The following EXD3 variants were observed in gnomAD, a reference collection of about 807,000 sequenced individuals.
The protein encoded by EXD3 is exonuclease mut-7 homolog.
EXD3 carries 92 observed loss-of-function variants against 98.0 expected under a neutral mutation model. The ratio of observed to expected loss-of-function variants is 0.94; its 90% CI spans 0.79 to 1.12. The LOEUF (loss-of-function observed/expected upper bound fraction) is 1.12, where lower values mean the gene tolerates loss of function less well. Ranked by LOEUF, EXD3 falls within the 50% of genes most tolerant of loss-of-function variation. The pLI, the probability that EXD3 is intolerant of heterozygous loss-of-function variation, is 0.00. For missense variants in EXD3, 1,222 were observed against 1,191.6 expected, an observed-to-expected ratio of 1.03 and a Z score of -0.38; for synonymous variants, 569 against 526.0, an observed-to-expected ratio of 1.08 and a Z score of -1.12.
chr9:137,336,656 TAAAAAA>T (rs34705760), intron 17 of EXD3, among the ~76,000 whole-genome samples: 1 of 112,624 alleles, frequency 8.9e-6, no homozygotes, highest in Non-Finnish European at 1.8e-5. Context: ...AGACTCCGTC[TAAAAAA>T]AAAAAAAAAA....
At chr9:137,336,604 G>A (rs1191777201) in intron 17 of EXD3, among the ~76,000 whole-genome samples, 1 of 147,730 alleles carries the variant, frequency 6.8e-6, no homozygotes, top group Non-Finnish European at 1.5e-5. Context: ...CTTGCAGTGA[G>A]CCGAGATTGT....
intron 19 of EXD3, among the ~76,000 whole-genome samples, chr9:137,311,413 T>C (rs1183486421): frequency 1.3e-5 from 2 of 152,188 alleles, no homozygotes; most frequent in Non-Finnish European, 2.9e-5. Context: ...AGGCCACCTG[T>C]AGGGACAGTG....
intron 19 of EXD3, among the ~76,000 whole-genome samples, chr9:137,313,330 G>A (rs942160017): frequency 2.6e-5 from 4 of 152,106 alleles, no homozygotes; most frequent in Non-Finnish European, 5.9e-5. Context: ...GGTGACCTGA[G>A]CATCCCTCCT....
chr9:137,337,194 G>T (rs1313104073), intron 17 of EXD3, among the ~76,000 whole-genome samples: 1 of 152,136 alleles, frequency 6.6e-6, no homozygotes, highest in African/African-American at 2.4e-5. Flanking sequence ...ACAACAGAAA[G>T]ATATAAGAAT....
rs1837576022 is a variant in EXD3 at position 137,403,576 on chromosome 9, C to T, written c.-47-8172G>A. On this transcript the variant is annotated intron_variant, in intron 1 of 21. Transcript: ENST00000340951. This position sits in a 1 kb window ranked among gnomAD's most constrained non-coding sequence, Gnocchi z 6.1. ...CCTGGGCCTCCATTCCCGAGCCCCC[C>T]AGTTTTCGCCTCTCTCCTTCTCTTT... is the stretch of plus-strand genomic sequence containing the variant. Among the ~76,000 whole-genome samples, 1 of 107,660 alleles carries T rather than the reference C, an allele frequency of 9.3e-6. No homozygotes were observed. Among genetic ancestry groups the T allele is most frequent in the African/African-American group, 3.0e-5 (1 of 33,118 alleles). The allele number at this position is 107,660 out of a possible 152,430, so 70.6% of individuals were successfully genotyped here. A position where few individuals can be genotyped will look rare whatever the true frequency, so the allele number is the denominator to read the frequency against.
Position 137,347,135 on chromosome 9 carries a change from C to G in EXD3, c.1998+936G>C, listed in dbSNP as rs1426687058. ...CATGTCATTTTTCTAATGCTGCTGT[C>G]ACAATTTACTAAAAGCTTAGCAGCT... is the stretch of plus-strand genomic sequence containing the variant. On this transcript the variant is annotated intron_variant, in intron 17 of 21. Transcript: ENST00000340951. The surrounding 1 kb of genome is among the most constrained non-coding windows in gnomAD (Gnocchi z 4.2). 1.3e-5 allele frequency among the ~76,000 whole-genome samples: 2 copies of G among 152,124 alleles called. No individual in the cohort carries two copies. Among genetic ancestry groups the G allele is most frequent in the African/African-American group, 2.4e-5 (1 of 41,416 alleles).
rs569435868 is a variant in EXD3, at chr9:137,354,451, C to T, written c.832-74G>A. On this transcript the variant is annotated intron_variant, in intron 9 of 21. Coordinates refer to ENST00000340951, the MANE Select transcript of EXD3 (RefSeq NM_017820.5). ...GTATCGGGGCCTGGTGGGAGTTTTC[C>T]TCGACCCCTGGCAGGGTACATCCTT... The T allele has an allele frequency of 1.1e-5, 17 of 1,601,640 alleles. No homozygotes were observed. The African/African-American group carries it at 2.0e-4, about 19-fold the overall frequency.
chr9:137,346,482 G>A (rs531822334), intron 17 of EXD3, among the ~76,000 whole-genome samples: 25 of 120,264 alleles, frequency 2.1e-4, no homozygotes, highest in South Asian at 1.1e-3. Context: ...CACTCTTGCC[G>A]TTTAGGTCGA....
chr9:137,345,749 A>G (rs1833898692), intron 17 of EXD3: 1 of 152,100 alleles, frequency 6.6e-6, no homozygotes, highest in Non-Finnish European at 1.5e-5. Flanking sequence ...CCCTTCTTCA[A>G]AAATGTTCTC....
Position 137,309,743 on chromosome 9 carries a change from C to T in EXD3, c.2185-43G>A, listed in dbSNP as rs574652877. Reference sequence around the variant, plus strand: ...TGCTGAGGCCCAGGCGGGGCTTCTCCGGGTGCCCCATACCCCAGCCCTCTG... The same window carrying T: ...TGCTGAGGCCCAGGCGGGGCTTCTCTGGGTGCCCCATACCCCAGCCCTCTG... On this transcript the variant is annotated intron_variant, in intron 19 of 21. Coordinates refer to ENST00000340951, the MANE Select transcript of EXD3 (RefSeq NM_017820.5). 4.8e-4 allele frequency: 712 copies of T among 1,469,650 alleles called. 10 individuals are homozygous for T. The South Asian group carries it at 7.0e-3, about 14-fold the overall frequency. 91.0% of individuals were successfully genotyped at this position (1,469,650 alleles called of 1,614,324 possible).
chr9:137,321,647 C>T (rs1355568256), intron 19 of EXD3, among the ~76,000 whole-genome samples: 1 of 152,208 alleles, frequency 6.6e-6, no homozygotes, highest in Admixed American at 6.5e-5. Context: ...TACATCACTA[C>T]ACTCCAGCCT....
At chr9:137,400,991 C>T (rs1306677797) in intron 1 of EXD3, among the ~76,000 whole-genome samples, 1 of 152,074 alleles carries the variant, frequency 6.6e-6, no homozygotes, top group Non-Finnish European at 1.5e-5. Context: ...CTCCCAGCTG[C>T]TTTCACAGGT....
chr9:137,408,375 C>T (rs950078818), intron 1 of EXD3, among the ~76,000 whole-genome samples: 7 of 151,806 alleles, frequency 4.6e-5, no homozygotes, highest in African/African-American at 7.3e-5. Context: ...GGTGAAACCC[C>T]GTCTCTACTA....
At chr9:137,379,720 C>T (rs532298318) in intron 3 of EXD3, among the ~76,000 whole-genome samples, 4 of 152,058 alleles carry the variant, frequency 2.6e-5, no homozygotes, top group South Asian at 2.1e-4. Context: ...TCGATGAAGC[C>T]GACGCTCCGT....
chr9:137,365,180 C>T (rs1407638630), intron 7 of EXD3: 2 of 151,854 alleles, frequency 1.3e-5, no homozygotes, highest in Non-Finnish European at 2.9e-5. Flanking sequence ...GATGAAAAGT[C>T]TTAGCAAGCT....
intron 1 of EXD3, among the ~76,000 whole-genome samples, chr9:137,397,278 C>T (rs1230361087): frequency 6.6e-6 from 1 of 152,172 alleles, no homozygotes; most frequent in African/African-American, 2.4e-5. Flanking sequence ...CCAGACCAAG[C>T]CCGTGAAAGC....
intron 17 of EXD3, among the ~76,000 whole-genome samples, chr9:137,337,378 T>A (rs765404133): frequency 6.6e-6 from 1 of 152,124 alleles, no homozygotes; most frequent in Middle Eastern, 3.4e-3. Context: ...TTAGGCTGGG[T>A]GCGGTGGCTC....
intron 16 of EXD3, among the ~76,000 whole-genome samples, chr9:137,348,807 C>T (rs1408022533): frequency 3.4e-5 from 2 of 58,108 alleles, no homozygotes; most frequent in Admixed American, 2.2e-4. Context: ...GTGGGGATCA[C>T]GGGGAGGGGG....
At position 137,395,359 on chromosome 9, in the gene EXD3, C is replaced by T. The variant is rs1837160192; in HGVS notation, c.-2G>A. The stretch of plus-strand genomic sequence containing the variant: ...ACCAGCGGGATCTCCTGGGTCCATC[C>T]TCAGGGCCGGGCCGAGGACGCTGGC... On this transcript the variant is annotated 5_prime_UTR_variant, in exon 2 of 22. Transcript: ENST00000340951. This position sits in a 1 kb window ranked among gnomAD's most constrained non-coding sequence, Gnocchi z 6.5. 1 of 1,613,258 alleles carries T rather than the reference C, an allele frequency of 6.2e-7. No individual in the cohort carries two copies. Among genetic ancestry groups the T allele is most frequent in the Non-Finnish European group, 8.5e-7 (1 of 1,179,822 alleles).
Sources: allele counts gnomAD v4.1 joint callset (sites outside exome capture counted in the v4.1 genomes callset), GRCh38; gene constraint gnomAD v4.1.1; non-coding constraint Gnocchi (gnomAD v3.1); transcripts MANE v1.5; gene names NCBI Gene and HGNC (gene_info 2026-07-23, HGNC 2026-07-21).